FUT8: variants seen among roughly 807,000 people sequenced by gnomAD.
FUT8 encodes the protein alpha-(1,6)-fucosyltransferase.
In FUT8, 29 loss-of-function variants were observed where a neutral mutation model predicts 71.3. The observed-to-expected ratio is 0.41, with a 90% CI of 0.30 to 0.55. The LOEUF is 0.55. Ranked by LOEUF, FUT8 falls within the 20% of genes least tolerant of loss-of-function variation. The pLI is 0.34. For synonymous variants in FUT8, 254 were observed against 239.3 expected (o/e 1.06, Z -0.57); for missense variants, 544 against 702.1 (o/e 0.77, Z 2.55).
rs895079575 is a variant in FUT8, at chr14:65,550,370, G to A, written c.-227-10967G>A. ...CATCATAGCTTAGCCTACCTTAAAT[G>A]TGCCCAGAACACTTATATTAGCCTA... On this transcript the variant is annotated intron_variant, in intron 2 of 10. Coordinates refer to ENST00000673929, the MANE Select transcript of FUT8 (RefSeq NM_001371533.1). This position sits in a 1 kb window ranked among gnomAD's most constrained non-coding sequence, Gnocchi z 4.5. Among the ~76,000 whole-genome samples, 2 of 152,146 alleles carry A rather than the reference G, an allele frequency of 1.3e-5. No individual in the cohort carries two copies. The highest frequency in any genetic ancestry group is 4.8e-5 in the African/African-American group (2 of 41,432).
chr14:65,723,863 C>A (rs1277938314), intron 8 of FUT8, among the ~76,000 whole-genome samples: 1 of 152,108 alleles, frequency 6.6e-6, no homozygotes, highest in Non-Finnish European at 1.5e-5. Flanking sequence ...CTGAAATTTC[C>A]CATTTATTCC....
the FUT8 span, among the ~76,000 whole-genome samples, chr14:65,388,039 T>C: frequency 6.6e-6 from 1 of 152,348 alleles, no homozygotes; most frequent in Middle Eastern, 3.4e-3. Flanking sequence ...GGTCTATATA[T>C]TATAAAGTTC....
intron 7 of FUT8, among the ~76,000 whole-genome samples, chr14:65,692,370 C>T (rs1893674866): frequency 2.0e-5 from 3 of 148,312 alleles, no homozygotes; most frequent in Admixed American, 1.3e-4. Flanking sequence ...GACCCCCCCA[C>T]CTCCCTCCCG....
intron 2 of FUT8, among the ~76,000 whole-genome samples, chr14:65,510,220 C>T (rs956531837): frequency 1.1e-4 from 17 of 151,746 alleles, no homozygotes; most frequent in African/African-American, 2.2e-4. Context: ...TTTGTTGATA[C>T]GATATATGGT....
intron 7 of FUT8, among the ~76,000 whole-genome samples, chr14:65,709,002 A>C (rs1412681713): frequency 6.6e-6 from 1 of 152,204 alleles, no homozygotes; most frequent in African/African-American, 2.4e-5. Flanking sequence ...TTTATTTCTA[A>C]TGTTCTGATT....
chr14:65,723,061 C>CA (rs1441607324), intron 8 of FUT8, among the ~76,000 whole-genome samples: 1 of 151,118 alleles, frequency 6.6e-6, no homozygotes, highest in African/African-American at 2.4e-5. Context: ...TGCCTGTAAT[C>CA]ACAACACTGG....
upstream of FUT8, among the ~76,000 whole-genome samples, chr14:65,408,857 A>G (rs781469539): frequency 1.3e-5 from 2 of 152,214 alleles, no homozygotes; most frequent in Non-Finnish European, 2.9e-5. Context: ...ATTTGAAAAT[A>G]TAGATTCTTA....
intron 6 of FUT8, among the ~76,000 whole-genome samples, chr14:65,665,025 G>C (rs1252248314): frequency 6.6e-6 from 1 of 152,056 alleles, no homozygotes; most frequent in Non-Finnish European, 1.5e-5. Context: ...GGATCTCCCA[G>C]TTAAAAAGTG....
At chr14:65,582,168 TTAAAA>T (rs1237210175) in intron 3 of FUT8, among the ~76,000 whole-genome samples, 5 of 152,164 alleles carry the variant, frequency 3.3e-5, no homozygotes, top group Non-Finnish European at 7.4e-5. Context: ...TTCCATCCAA[TTAAAA>T]TAATATATAA....
chr14:65,650,725 AAAAAC>A (rs1198391597), intron 6 of FUT8, among the ~76,000 whole-genome samples: 31 of 150,738 alleles, frequency 2.1e-4, no homozygotes, highest in East Asian at 7.7e-4. Flanking sequence ...AAAAAAAAAA[AAAAAC>A]AAAAAAAACC....
At position 65,722,811 on chromosome 14, in the gene FUT8, A is replaced by T. The variant is rs146800867; in HGVS notation, c.1082+790A>T. 2.1e-3 allele frequency among the ~76,000 whole-genome samples: 317 copies of T among 152,354 alleles called. 2 individuals are homozygous for T. The highest frequency in any genetic ancestry group is 7.1e-3 in the African/African-American group (294 of 41,590). On this transcript the variant is annotated intron_variant, in intron 8 of 10. Transcript: ENST00000673929. ...AGCAAAGAATAGCCGTGAAGATGGC[A>T]GAGTAACTCTGGTGAAATCAAACCT... is the stretch of plus-strand genomic sequence containing the variant.
At chr14:65,427,900 T>G (rs1362863574) in intron 1 of FUT8, among the ~76,000 whole-genome samples, 1 of 152,248 alleles carries the variant, frequency 6.6e-6, no homozygotes, top group African/African-American at 2.4e-5. Flanking sequence ...TTGCCATTTC[T>G]TGATTTTTAA....
chr14:65,580,943 T>G (rs562277281), intron 3 of FUT8, among the ~76,000 whole-genome samples: 2 of 152,204 alleles, frequency 1.3e-5, no homozygotes, highest in South Asian at 2.1e-4. Context: ...TACTTACATA[T>G]TGTTCTCAAA....
chr14:65,577,807 T>A (rs1358948656), intron 3 of FUT8, among the ~76,000 whole-genome samples: 1 of 152,126 alleles, frequency 6.6e-6, no homozygotes, highest in Non-Finnish European at 1.5e-5. Flanking sequence ...AACAGAATAG[T>A]TAAATATATA....
chr14:65,507,080 A>G (rs1027990187), intron 2 of FUT8, among the ~76,000 whole-genome samples: 1 of 152,238 alleles, frequency 6.6e-6, no homozygotes, highest in Non-Finnish European at 1.5e-5. Flanking sequence ...CAACACCATT[A>G]GAGGTAATTG....
At chr14:65,645,903 A>G (rs573834937) in intron 6 of FUT8, 2 of 152,350 alleles carry the variant, frequency 1.3e-5, no homozygotes, top group African/African-American at 2.4e-5. Context: ...TGTGAACTAC[A>G]TAAATATATC....
At chr14:65,386,391 C>T in the FUT8 span, among the ~76,000 whole-genome samples, 2 of 150,692 alleles carry the variant, frequency 1.3e-5, no homozygotes, top group African/African-American at 2.4e-5. Flanking sequence ...ATAGTTTTAG[C>T]TACTTGGGAG....
chr14:65,611,307 C>T (rs12882763), intron 3 of FUT8, among the ~76,000 whole-genome samples: 64,525 of 102,194 alleles, frequency 0.63, 22,610 homozygotes, highest in East Asian at 0.82. Context: ...ACACACCCCC[C>T]AAGTAATAGC....
intron 6 of FUT8, among the ~76,000 whole-genome samples, chr14:65,665,856 C>G (rs553217510): frequency 4.4e-4 from 67 of 152,282 alleles, no homozygotes; most frequent in African/African-American, 1.4e-3. Context: ...ACTGCATGTT[C>G]TCACTTATAA....
Sources: gnomAD v4.1 joint callset for allele counts (sites outside exome capture counted in the v4.1 genomes callset) on GRCh38, gnomAD v4.1.1 for gene constraint, Gnocchi (gnomAD v3.1) non-coding constraint, MANE v1.5 for transcripts, NCBI Gene and HGNC (gene_info 2026-07-23, HGNC 2026-07-21) for gene names.